Variants in DPYSL5 observed in about 807,000 individuals in gnomAD.
The protein encoded by DPYSL5 is dihydropyrimidinase-related protein 5.
A neutral mutation model predicts 58.4 loss-of-function variants in DPYSL5; 9 were observed. That is an observed-to-expected ratio of 0.15 (90% CI 0.09 to 0.27). The LOEUF (loss-of-function observed/expected upper bound fraction) is 0.27, where lower values mean the gene tolerates loss of function less well. DPYSL5 is among the 10% of genes least tolerant of loss of function. The pLI, the probability that DPYSL5 is intolerant of heterozygous loss-of-function variation, is 1.00. For missense variants in DPYSL5, 499 were observed against 770.6 expected (o/e 0.65, Z 4.17); for synonymous variants, 293 against 301.9 (o/e 0.97, Z 0.31).
At chr2:26,932,329 C>G (rs538145289) in intron 6 of DPYSL5, among the ~76,000 whole-genome samples, 1 of 152,352 alleles carries the variant, frequency 6.6e-6, no homozygotes, top group South Asian at 2.1e-4. Context: ...TGAGCGCTGT[C>G]ATGCCCACCA....
intron 1 of DPYSL5, among the ~76,000 whole-genome samples, chr2:26,862,880 G>C (rs924177110): frequency 6.6e-6 from 1 of 152,212 alleles, no homozygotes. Context: ...CATTTTCAAT[G>C]TGTACAGCCT....
chr2:26,866,008 A>G (rs1666131311), intron 1 of DPYSL5, among the ~76,000 whole-genome samples: 1 of 152,218 alleles, frequency 6.6e-6, no homozygotes, highest in Admixed American at 6.5e-5. Context: ...GTTTGTCTGC[A>G]TGGTGAGTGA....
At position 26,849,419 on chromosome 2, in the gene DPYSL5, C is replaced by T. The variant is rs1361808149; in HGVS notation, c.-5+1165C>T. 2.0e-5 allele frequency among the ~76,000 whole-genome samples: 3 copies of T among 151,982 alleles called. No individual in the cohort carries two copies. In the South Asian group the frequency reaches 6.2e-4, roughly 32 times the overall value. ...AGCTCCAGGCGCGGGGCCCCGCGGC[C>T]CAGGTGGCCGGCTGGGCGTGGCCCT... On this transcript the variant is annotated intron_variant, in intron 1 of 12. Coordinates refer to ENST00000288699, the MANE Select transcript of DPYSL5 (RefSeq NM_020134.4). This position sits in a 1 kb window ranked among gnomAD's most constrained non-coding sequence, Gnocchi z 6.2.
chr2:26,884,522 A>T (rs515048), intron 1 of DPYSL5, among the ~76,000 whole-genome samples: 2,486 of 44,864 alleles, frequency 0.055, 47 homozygotes, highest in African/African-American at 0.3. Context: ...GTCCTATCTC[A>T]CACACACACA....
At position 26,934,550 on chromosome 2, in the gene DPYSL5, G is replaced by T. The variant is rs780606944; in HGVS notation, c.791-28G>T. 6.2e-7 allele frequency: 1 copy of T among 1,604,348 alleles called. No individual in the cohort carries two copies. The highest frequency in any genetic ancestry group is 1.7e-5 in the Admixed American group (1 of 59,714). ...ATCGCTCAGGTTCGGTGGCTTCCTG[G>T]TTATGGTTCTGACCTTTCTTCTTCC... is the stretch of plus-strand genomic sequence containing the variant. On this transcript the variant is annotated intron_variant, in intron 7 of 12. Transcript: ENST00000288699. This position sits in a 1 kb window ranked among gnomAD's most constrained non-coding sequence, Gnocchi z 4.3.
chr2:26,928,547 A>T (rs942758434), intron 5 of DPYSL5, among the ~76,000 whole-genome samples: 11 of 150,640 alleles, frequency 7.3e-5, no homozygotes, highest in Non-Finnish European at 1.5e-4. Context: ...ATACAAAAAA[A>T]ATTAGCTGGG....
chr2:26,881,487 G>A (rs542208347), intron 1 of DPYSL5, among the ~76,000 whole-genome samples: 43 of 152,272 alleles, frequency 2.8e-4, no homozygotes, highest in African/African-American at 9.9e-4. Context: ...ATTTCCATGG[G>A]CACTGATGAG....
At position 26,934,370 on chromosome 2, in the gene DPYSL5, T is replaced by C. The variant is rs1665119150; in HGVS notation, c.791-208T>C. 6.6e-6 allele frequency among the ~76,000 whole-genome samples: 1 copy of C among 152,156 alleles called. No individual in the cohort carries two copies. The highest frequency in any genetic ancestry group is 1.5e-5 in the Non-Finnish European group (1 of 68,018). ...TGGTCCTGCTGGGCCTCGGTGCCCA[T>C]GTCCCTCTGTCCTCCTTGCCTAAGT... On this transcript the variant is annotated intron_variant, in intron 7 of 12. Coordinates refer to ENST00000288699, the MANE Select transcript of DPYSL5 (RefSeq NM_020134.4). This position sits in a 1 kb window ranked among gnomAD's most constrained non-coding sequence, Gnocchi z 4.3.
Position 26,934,459 on chromosome 2 carries a change from G to T in DPYSL5, c.791-119G>T, listed in dbSNP as rs1665121262. The T allele has an allele frequency of 2.4e-6, 3 of 1,228,324 alleles. No homozygotes were observed. Among genetic ancestry groups the T allele is most frequent in the African/African-American group, 3.0e-5 (2 of 66,520 alleles). 76.1% of individuals were successfully genotyped at this position (1,228,324 alleles called of 1,614,324 possible). A position where few individuals can be genotyped will look rare whatever the true frequency, so the allele number is the denominator to read the frequency against. On this transcript the variant is annotated intron_variant, in intron 7 of 12. Coordinates refer to ENST00000288699, the MANE Select transcript of DPYSL5 (RefSeq NM_020134.4). The surrounding 1 kb of genome is among the most constrained non-coding windows in gnomAD (Gnocchi z 4.3). ...GTGCTCTTAAAAGCCCTGTGAGCTT[G>T]GGCAGGTCCCTTCCTGTCTCTGACC...
At chr2:26,862,492 T>C (rs952879115) in intron 1 of DPYSL5, among the ~76,000 whole-genome samples, 2 of 152,242 alleles carry the variant, frequency 1.3e-5, no homozygotes, top group Non-Finnish European at 2.9e-5. Context: ...ATGCCAGGCA[T>C]ACTGGGAGGT....
At chr2:26,888,147 G>A (rs1663765746) in intron 1 of DPYSL5, among the ~76,000 whole-genome samples, 1 of 152,026 alleles carries the variant, frequency 6.6e-6, no homozygotes, top group African/African-American at 2.4e-5. Flanking sequence ...TGCAGCTCTA[G>A]AATTCCATAC....
chr2:26,949,028 G>C lies in DPYSL5; in HGVS notation c.*2033G>C, dbSNP rs1182873366. 1 of 152,182 alleles carries C rather than the reference G, an allele frequency of 6.6e-6. No individual in the cohort carries two copies. Among genetic ancestry groups the C allele is most frequent in the Non-Finnish European group, 1.5e-5 (1 of 68,062 alleles). 9.4% of individuals were successfully genotyped at this position (152,182 alleles called of 1,614,324 possible). ...AAGACCCAGAAAGTTCAGGTCCTCTGACCCCAGAAGTGTCTGTGATGACCC... is the reference window on the plus strand; with the variant it reads ...AAGACCCAGAAAGTTCAGGTCCTCTCACCCCAGAAGTGTCTGTGATGACCC... On this transcript the variant is annotated 3_prime_UTR_variant, in exon 13 of 13. Transcript: ENST00000288699.
Position 26,924,766 on chromosome 2 carries a change from C to T in DPYSL5, c.262-121C>T, listed in dbSNP as rs939585917. On this transcript the variant is annotated intron_variant, in intron 2 of 12. Transcript: ENST00000288699. The surrounding 1 kb of genome is among the most constrained non-coding windows in gnomAD (Gnocchi z 4.7). ...TTCCCAAACCTCGCTGCCCTTGGTCCTCACAGCCTCTTGTGAGGCAGGGCC... is the reference window on the plus strand; with the variant it reads ...TTCCCAAACCTCGCTGCCCTTGGTCTTCACAGCCTCTTGTGAGGCAGGGCC... 2.3e-5 allele frequency: 32 copies of T among 1,368,014 alleles called. No homozygotes were observed. The East Asian group carries it at 8.1e-4, about 35-fold the overall frequency. 84.7% of individuals were successfully genotyped at this position (1,368,014 alleles called of 1,614,324 possible).
intron 1 of DPYSL5, among the ~76,000 whole-genome samples, chr2:26,878,943 G>T (rs1480421658): frequency 6.6e-6 from 1 of 152,192 alleles, no homozygotes; most frequent in Non-Finnish European, 1.5e-5. Context: ...CTCCAGCCCA[G>T]TCAGTGTGAA....
At chr2:26,906,795 C>T (rs185539210) in intron 2 of DPYSL5, among the ~76,000 whole-genome samples, 1 of 152,330 alleles carries the variant, frequency 6.6e-6, no homozygotes, top group Admixed American at 6.5e-5. Context: ...GAATCTGGCC[C>T]TGTCACCCAG....
chr2:26,872,088 A>G (rs1188228094), intron 1 of DPYSL5, among the ~76,000 whole-genome samples: 1 of 152,204 alleles, frequency 6.6e-6, no homozygotes, highest in African/African-American at 2.4e-5. Context: ...CCTCACTCAT[A>G]ATTCAGTGTC....
At chr2:26,868,701 G>T (rs185425768) in intron 1 of DPYSL5, among the ~76,000 whole-genome samples, 2 of 152,136 alleles carry the variant, frequency 1.3e-5, no homozygotes, top group Admixed American at 6.6e-5. Flanking sequence ...TTTTAACTAC[G>T]GTGATTTCAT....
At chr2:26,935,327 G>T (rs1450023888) in intron 8 of DPYSL5, among the ~76,000 whole-genome samples, 1 of 152,094 alleles carries the variant, frequency 6.6e-6, no homozygotes, top group Non-Finnish European at 1.5e-5. Flanking sequence ...GAATTCAGTG[G>T]GACCCAATTA....
rs772460158 is a variant in DPYSL5 at position 26,942,745 on chromosome 2, GAGA to G, written c.1438_1440del (p.Lys480del). 8.1e-6 allele frequency: 13 copies of G among 1,613,552 alleles called. No individual in the cohort carries two copies. In the East Asian group the frequency reaches 2.5e-4, roughly 30 times the overall value. On this transcript the variant is annotated inframe_deletion and splice_region_variant, in exon 11 of 13. Transcript: ENST00000288699. This position sits in a 1 kb window ranked among gnomAD's most constrained non-coding sequence, Gnocchi z 5.9. ...TGTCTACAAGAAGCTGGTCCAGAGA[GAGA>G]AGGTGAGGTGGGAGGAGGAAGATGC...
Sources: gnomAD v4.1 joint callset for allele counts (sites outside exome capture counted in the v4.1 genomes callset) on GRCh38, gnomAD v4.1.1 for gene constraint, Gnocchi (gnomAD v3.1) non-coding constraint, MANE v1.5 for transcripts, NCBI Gene and HGNC (gene_info 2026-07-23, HGNC 2026-07-21) for gene names.